Variants in GRM8 observed in about 807,000 individuals in gnomAD.
GRM8 encodes glutamate metabotropic receptor 8.
In GRM8, 47 loss-of-function variants were observed where a neutral mutation model predicts 87.2. The ratio of observed to expected loss-of-function variants is 0.54; its 90% CI spans 0.43 to 0.69. The LOEUF is 0.69. Ranked by LOEUF, GRM8 falls within the 30% of genes least tolerant of loss-of-function variation. The pLI is 0.00. For synonymous variants in GRM8, 396 were observed against 404.5 expected (o/e 0.98, Z 0.25); for missense variants, 1,019 against 1,139.2 (o/e 0.89, Z 1.52).
At chr7:126,447,644 T>C (rs146587564) in intron 9 of GRM8, among the ~76,000 whole-genome samples, 3 of 152,036 alleles carry the variant, frequency 2.0e-5, no homozygotes, top group South Asian at 4.1e-4. Flanking sequence ...CCATTCGCCC[T>C]CAAGGGTAAA....
intron 7 of GRM8, among the ~76,000 whole-genome samples, chr7:126,707,432 C>A (rs1220213527): frequency 6.6e-6 from 1 of 152,078 alleles, no homozygotes; most frequent in Non-Finnish European, 1.5e-5. Context: ...TGTATCTTGC[C>A]TTAAGGTATG....
intron 2 of GRM8, among the ~76,000 whole-genome samples, chr7:127,204,036 T>C (rs1563576426): frequency 6.6e-6 from 1 of 152,214 alleles, no homozygotes; most frequent in East Asian, 1.9e-4. Context: ...CAAAATGTAT[T>C]ATAGAATCTA....
chr7:126,499,460 C>G (rs539621858), intron 9 of GRM8, among the ~76,000 whole-genome samples: 1 of 151,184 alleles, frequency 6.6e-6, no homozygotes, highest in South Asian at 2.1e-4. Context: ...AATCTTACTA[C>G]TAGGTATAGA....
At chr7:127,173,693 G>A (rs1793944769) in intron 2 of GRM8, among the ~76,000 whole-genome samples, 1 of 152,096 alleles carries the variant, frequency 6.6e-6, no homozygotes, top group South Asian at 2.1e-4. Context: ...AGCGATATGG[G>A]GTGGCCCACC....
At chr7:126,703,038 C>T (rs901069575) in intron 7 of GRM8, among the ~76,000 whole-genome samples, 2 of 152,146 alleles carry the variant, frequency 1.3e-5, no homozygotes, top group African/African-American at 2.4e-5. Flanking sequence ...GAAAATGAGA[C>T]ACTGTGGGAG....
chr7:126,868,580 C>T (rs1176878065), intron 6 of GRM8, among the ~76,000 whole-genome samples: 1 of 152,178 alleles, frequency 6.6e-6, no homozygotes, highest in African/African-American at 2.4e-5. Flanking sequence ...TGTATATACA[C>T]ATAACTCAGA....
chr7:126,719,189 TA>T (rs1812096451), intron 7 of GRM8, among the ~76,000 whole-genome samples: 1 of 152,196 alleles, frequency 6.6e-6, no homozygotes, highest in African/African-American at 2.4e-5. Flanking sequence ...AAATATAAAT[TA>T]ATAAATGAGA....
At chr7:126,477,975 T>C (rs777727913) in intron 9 of GRM8, among the ~76,000 whole-genome samples, 8 of 152,168 alleles carry the variant, frequency 5.3e-5, no homozygotes, top group Admixed American at 3.9e-4. Flanking sequence ...GGTTGGTGGC[T>C]GCATAACTTC....
chr7:126,612,270 T>C (rs1257605645), intron 7 of GRM8, among the ~76,000 whole-genome samples: 1 of 152,252 alleles, frequency 6.6e-6, no homozygotes, highest in East Asian at 1.9e-4. Context: ...AGCGTATAAG[T>C]TTTCCTGATG....
intron 3 of GRM8, among the ~76,000 whole-genome samples, chr7:127,023,745 CA>C (rs922194290): frequency 5.9e-5 from 9 of 152,162 alleles, no homozygotes; most frequent in African/African-American, 2.2e-4. Context: ...CAAAAATTTC[CA>C]ATTTCAAATC....
At chr7:127,105,920 G>T (rs1212341389) in intron 3 of GRM8, among the ~76,000 whole-genome samples, 1 of 152,072 alleles carries the variant, frequency 6.6e-6, no homozygotes, top group African/African-American at 2.4e-5. Flanking sequence ...GCCCAGGACA[G>T]ACATCAGCAG....
At chr7:126,447,573 T>A (rs1173126591) in intron 9 of GRM8, among the ~76,000 whole-genome samples, 1 of 151,876 alleles carries the variant, frequency 6.6e-6, no homozygotes, top group African/African-American at 2.4e-5. Flanking sequence ...AAGACCAAAC[T>A]AATTGTGTCC....
At chr7:126,688,536 AC>A in intron 7 of GRM8, among the ~76,000 whole-genome samples, 1 of 152,170 alleles carries the variant, frequency 6.6e-6, no homozygotes, top group Non-Finnish European at 1.5e-5. Context: ...AAAAGAGTGA[AC>A]AGAAGTATAG....
chr7:127,242,970 T>C lies in GRM8; in HGVS notation c.235A>G (p.Met79Val), dbSNP rs748998297. 1.8e-5 allele frequency: 29 copies of C among 1,614,040 alleles called. No individual in the cohort carries two copies. Among genetic ancestry groups the C allele is most frequent in the Non-Finnish European group, 2.1e-5 (25 of 1,180,024 alleles). The change falls in exon 2 of 11, where the codon ATG becomes GTG. Residue 79 changes from methionine (M) to valine (V), a missense_variant. By Grantham distance (21) the Met-to-Val change is conservative. Coordinates refer to ENST00000339582, the MANE Select transcript of GRM8 (RefSeq NM_000845.3). ...KEKGIHRLEA[M>V]LYAIDQINKD... ...TTAATCTGGTCAATTGCATAAAGCA[T>C]GGCCTCCAGTCTGTGAATCCCCTTT...
At chr7:126,729,536 C>T (rs1813373131) in intron 7 of GRM8, among the ~76,000 whole-genome samples, 1 of 152,168 alleles carries the variant, frequency 6.6e-6, no homozygotes, top group Non-Finnish European at 1.5e-5. Context: ...TGTCTTAGTT[C>T]TCCACTCTTT....
At chr7:126,847,827 G>A (rs575824035) in intron 6 of GRM8, among the ~76,000 whole-genome samples, 1 of 152,292 alleles carries the variant, frequency 6.6e-6, no homozygotes, top group African/African-American at 2.4e-5. Flanking sequence ...AGTATCAACT[G>A]TATGTTGCAT....
At chr7:126,843,914 T>A (rs1796493946) in intron 6 of GRM8, among the ~76,000 whole-genome samples, 1 of 152,222 alleles carries the variant, frequency 6.6e-6, no homozygotes, top group Admixed American at 6.5e-5. Flanking sequence ...CTATTATTGA[T>A]CAGAAAGTGA....
At chr7:126,720,582 T>C (rs1812285957) in intron 7 of GRM8, among the ~76,000 whole-genome samples, 1 of 152,178 alleles carries the variant, frequency 6.6e-6, no homozygotes, top group South Asian at 2.1e-4. Context: ...TTGAAAAGGA[T>C]GACACAGAAA....
At chr7:126,837,201 T>C (rs1320471265) in intron 6 of GRM8, among the ~76,000 whole-genome samples, 1 of 152,184 alleles carries the variant, frequency 6.6e-6, no homozygotes, top group East Asian at 1.9e-4. Flanking sequence ...TAAGGAATAT[T>C]ATAGACAATG....
Sources: allele counts gnomAD v4.1 joint callset (sites outside exome capture counted in the v4.1 genomes callset), GRCh38; gene constraint gnomAD v4.1.1; transcripts MANE v1.5; gene names NCBI Gene and HGNC (gene_info 2026-07-23, HGNC 2026-07-21).